MGAT5: variants seen among roughly 807,000 people sequenced by gnomAD.
MGAT5 encodes the protein alpha-1,6-mannosylglycoprotein 6-beta-N-acetylglucosaminyltransferase A.
Under a neutral mutation model 94.3 loss-of-function variants are expected in MGAT5, and 30 were observed. The ratio of observed to expected loss-of-function variants is 0.32; its 90% CI spans 0.24 to 0.43. The LOEUF (loss-of-function observed/expected upper bound fraction) is 0.43, where lower values mean the gene tolerates loss of function less well. Ranked by LOEUF, MGAT5 falls within the 20% of genes least tolerant of loss-of-function variation. The pLI is 1.00. For missense variants in MGAT5, 691 were observed against 905.5 expected, an observed-to-expected ratio of 0.76 and a Z score of 3.04; for synonymous variants, 310 against 322.9, an observed-to-expected ratio of 0.96 and a Z score of 0.43.
At chr2:134,287,177 CT>C (rs1685063006) in intron 2 of MGAT5, among the ~76,000 whole-genome samples, 1 of 152,122 alleles carries the variant, frequency 6.6e-6, no homozygotes, top group African/African-American at 2.4e-5. Context: ...CATCTTATGG[CT>C]GTATTTTCTG....
intron 1 of MGAT5, among the ~76,000 whole-genome samples, chr2:134,175,818 T>C (rs1688437308): frequency 6.6e-6 from 1 of 152,184 alleles, no homozygotes; most frequent in African/African-American, 2.4e-5. Context: ...GCCGCTTTAC[T>C]TTGTCTTTGG....
At chr2:134,128,565 CT>C (rs916461807) in intron 1 of MGAT5, among the ~76,000 whole-genome samples, 22 of 147,112 alleles carry the variant, frequency 1.5e-4, no homozygotes, top group East Asian at 2.0e-4. Context: ...TTTATTAGTT[CT>C]TTTTTTTTTA....
intron 2 of MGAT5, among the ~76,000 whole-genome samples, chr2:134,311,141 G>A (rs1311369079): frequency 2.6e-5 from 4 of 152,162 alleles, no homozygotes; most frequent in East Asian, 1.9e-4. Flanking sequence ...TCTTAGGGTC[G>A]GCAAAACAAC....
intron 1 of MGAT5, among the ~76,000 whole-genome samples, chr2:134,220,678 T>C (rs1680717042): frequency 1.3e-5 from 2 of 152,220 alleles, no homozygotes; most frequent in South Asian, 4.1e-4. Flanking sequence ...CTGCTGTTTT[T>C]TGCTTTCTGT....
At chr2:134,427,426 C>T (rs1221280195) in intron 13 of MGAT5, among the ~76,000 whole-genome samples, 1 of 152,174 alleles carries the variant, frequency 6.6e-6, no homozygotes, top group East Asian at 1.9e-4. Context: ...TTCCCCTTCT[C>T]CAAGGTGTCA....
chr2:134,150,109 A>G (rs1341377468), intron 1 of MGAT5, among the ~76,000 whole-genome samples: 1 of 152,076 alleles, frequency 6.6e-6, no homozygotes, highest in African/African-American at 2.4e-5. Context: ...AGGCCAAGAG[A>G]ATCACCAGAT....
At chr2:134,407,946 TGGGATTTACCA>T in intron 11 of MGAT5, among the ~76,000 whole-genome samples, 1 of 152,334 alleles carries the variant, frequency 6.6e-6, no homozygotes, top group South Asian at 2.1e-4. Context: ...CACCTGTCTA[TGGGATTTACCA>T]TAACAGTAAC....
intron 13 of MGAT5, among the ~76,000 whole-genome samples, chr2:134,425,894 C>CTTT (rs58839374): frequency 0.09 from 13,035 of 144,368 alleles, 626 homozygotes; most frequent in Middle Eastern, 0.16. Flanking sequence ...AGTAACAGTC[C>CTTT]TTTTTTTTTT....
chr2:134,305,944 A>T (rs1441300555), intron 2 of MGAT5, among the ~76,000 whole-genome samples: 1 of 152,184 alleles, frequency 6.6e-6, no homozygotes, highest in African/African-American at 2.4e-5. Flanking sequence ...ATTTCTCAGT[A>T]TATTTTCTTA....
At chr2:134,400,563 A>C (rs1682984879) in intron 10 of MGAT5, among the ~76,000 whole-genome samples, 1 of 152,170 alleles carries the variant, frequency 6.6e-6, no homozygotes, top group African/African-American at 2.4e-5. Flanking sequence ...ATGGTAATAC[A>C]TATGTAATCT....
chr2:134,170,408 AGATGGTG>A (rs1688149029), intron 1 of MGAT5, among the ~76,000 whole-genome samples: 1 of 152,174 alleles, frequency 6.6e-6, no homozygotes, highest in Non-Finnish European at 1.5e-5. Context: ...TGTTTCATAG[AGATGGTG>A]GATTTGTAAT....
chr2:134,201,632 C>T (rs1041253651), intron 1 of MGAT5, among the ~76,000 whole-genome samples: 1 of 152,004 alleles, frequency 6.6e-6, no homozygotes, highest in Non-Finnish European at 1.5e-5. Flanking sequence ...CTTTCACCTT[C>T]GGGGCGACCT....
chr2:134,371,062 A>G (rs1222526832), intron 10 of MGAT5, among the ~76,000 whole-genome samples: 1 of 152,220 alleles, frequency 6.6e-6, no homozygotes, highest in East Asian at 1.9e-4. Flanking sequence ...TAGATCCATG[A>G]GGTTTCCTTG....
At chr2:134,318,296 G>A (rs530934638) in intron 3 of MGAT5, among the ~76,000 whole-genome samples, 4 of 152,110 alleles carry the variant, frequency 2.6e-5, no homozygotes, top group Non-Finnish European at 4.4e-5. Context: ...TGTTGGAACT[G>A]GAGTTCCTGG....
At chr2:134,397,464 A>C (rs541768528) in intron 10 of MGAT5, among the ~76,000 whole-genome samples, 1 of 152,200 alleles carries the variant, frequency 6.6e-6, no homozygotes, top group Admixed American at 6.5e-5. Context: ...TGCAAGGAGG[A>C]GCTCTACCTT....
intron 14 of MGAT5, among the ~76,000 whole-genome samples, chr2:134,438,392 A>C (rs1482500432): frequency 6.6e-6 from 1 of 152,218 alleles, no homozygotes; most frequent in Non-Finnish European, 1.5e-5. Flanking sequence ...CCAGAAAAAC[A>C]ACCAAAAAAC....
At chr2:134,166,054 G>A (rs907370205) in intron 1 of MGAT5, among the ~76,000 whole-genome samples, 1 of 152,196 alleles carries the variant, frequency 6.6e-6, no homozygotes, top group African/African-American at 2.4e-5. Flanking sequence ...AGGGGAATAG[G>A]ATTGGCATGT....
At chr2:134,280,662 G>A (rs896718271) in intron 2 of MGAT5, among the ~76,000 whole-genome samples, 4 of 152,178 alleles carry the variant, frequency 2.6e-5, no homozygotes, top group South Asian at 2.1e-4. Context: ...TTCCCCCTTC[G>A]GGGGACTTGA....
chr2:134,321,650 G>A (rs1467479123), intron 4 of MGAT5, among the ~76,000 whole-genome samples: 1 of 152,192 alleles, frequency 6.6e-6, no homozygotes, highest in African/African-American at 2.4e-5. Flanking sequence ...TTCCTGAGGT[G>A]TGAAATACGC....
Sources: allele counts gnomAD v4.1 joint callset (sites outside exome capture counted in the v4.1 genomes callset), GRCh38; gene constraint gnomAD v4.1.1; transcripts MANE v1.5; gene names NCBI Gene and HGNC (gene_info 2026-07-23, HGNC 2026-07-21).